The following PHF14 variants were observed in gnomAD, a reference collection of about 807,000 sequenced individuals.
PHF14 encodes the protein PHD finger protein 14.
A neutral mutation model predicts 117.9 loss-of-function variants in PHF14; 55 were observed. The observed-to-expected ratio is 0.47, with a 90% confidence interval of 0.38 to 0.58. PHF14 has a LOEUF of 0.58. PHF14 is among the 20% of genes least tolerant of loss of function. The pLI, the probability that PHF14 is intolerant of heterozygous loss-of-function variation, is 0.00. For synonymous variants in PHF14, 409 were observed against 368.6 expected (o/e 1.11, Z -1.26); for missense variants, 978 against 1,122.2 (o/e 0.87, Z 1.84).
intron 16 of PHF14, chr7:11,102,712 A>G: frequency 7.1e-7 from 1 of 1,402,714 alleles, no homozygotes; most frequent in Admixed American, 2.9e-5. Context: ...ACTTGGACTA[A>G]CAAGGCAGTA....
At chr7:11,105,552 A>G (rs1270672490) in intron 16 of PHF14, 21 of 981,338 alleles carry the variant, frequency 2.1e-5, no homozygotes, top group Non-Finnish European at 2.5e-5. Context: ...AAAAATGGCA[A>G]TTGAAACTTG....
At chr7:11,024,313 A>G (rs1783837632) in intron 6 of PHF14, among the ~76,000 whole-genome samples, 1 of 152,232 alleles carries the variant, frequency 6.6e-6, no homozygotes, top group Non-Finnish European at 1.5e-5. Flanking sequence ...ATAAAAGATG[A>G]AGAAGATGCA....
At position 10,974,177 on chromosome 7, in the gene PHF14, A is replaced by C; in HGVS notation, c.-147A>C. On this transcript the variant is annotated 5_prime_UTR_variant, in exon 1 of 18. Coordinates refer to ENST00000634607, the MANE Select transcript of PHF14 (RefSeq NM_001007157.2). The stretch of plus-strand genomic sequence containing the variant: ...AGGGGACCGCGGGGCTACTCTTGGG[A>C]GCGCCCCTGTCCGGCTGGCTGCGCG... 2.9e-6 allele frequency: 2 copies of C among 693,248 alleles called. No homozygotes were observed. The highest frequency in any genetic ancestry group is 5.1e-6 in the Non-Finnish European group (2 of 394,374). 42.9% of individuals were successfully genotyped at this position (693,248 alleles called of 1,614,324 possible). A position where few individuals can be genotyped will look rare whatever the true frequency, so the allele number is the denominator to read the frequency against.
intron 16 of PHF14, among the ~76,000 whole-genome samples, chr7:11,097,346 T>G (rs1162821040): frequency 6.6e-6 from 1 of 152,190 alleles, no homozygotes; most frequent in Non-Finnish European, 1.5e-5. Context: ...ACACCTAAAA[T>G]AGATAATATT....
chr7:11,077,798 A>G (rs1461376104), intron 16 of PHF14, among the ~76,000 whole-genome samples: 2 of 152,126 alleles, frequency 1.3e-5, no homozygotes, highest in Non-Finnish European at 2.9e-5. Context: ...ACAAGGTAAT[A>G]GACAAAGAAT....
chr7:11,061,436 G>C (rs1785220077), intron 14 of PHF14: 1 of 160,672 alleles, frequency 6.2e-6, no homozygotes, highest in African/African-American at 2.4e-5. Context: ...TATAAGTGAT[G>C]TGATAAGTTA....
intron 17 of PHF14, among the ~76,000 whole-genome samples, chr7:11,153,395 G>A (rs998293182): frequency 6.6e-6 from 1 of 152,032 alleles, no homozygotes; most frequent in Non-Finnish European, 1.5e-5. Context: ...CTTTTTTAGT[G>A]GGGGTAGGGG....
At position 10,980,225 on chromosome 7, in the gene PHF14, G is replaced by C. The variant is rs138855477; in HGVS notation, c.113-2147G>C. ...ACTTTTGCGTCTATCGTGAAGTTTT[G>C]ATTGATAAAAAGCCTTCTAGAAGGT... On this transcript the variant is annotated intron_variant, in intron 2 of 17. Coordinates refer to ENST00000634607, the MANE Select transcript of PHF14 (RefSeq NM_001007157.2). Among the ~76,000 whole-genome samples the C allele has an allele frequency of 3.5e-3, 534 of 152,098 alleles. 5 individuals are homozygous for C. The highest frequency in any genetic ancestry group is 9.9e-3 in the African/African-American group (409 of 41,510).
chr7:11,009,579 A>G (rs1047069396), intron 4 of PHF14, among the ~76,000 whole-genome samples: 1 of 152,198 alleles, frequency 6.6e-6, no homozygotes. Context: ...TATGGAAGAG[A>G]GAAAGATTTT....
At chr7:11,093,731 C>T (rs1162371924) in intron 16 of PHF14, among the ~76,000 whole-genome samples, 1 of 152,136 alleles carries the variant, frequency 6.6e-6, no homozygotes, top group Non-Finnish European at 1.5e-5. Context: ...TCCAAAGAAT[C>T]ACAAGCTTGG....
At chr7:11,056,224 C>A (rs929050863) in intron 14 of PHF14, among the ~76,000 whole-genome samples, 2 of 152,044 alleles carry the variant, frequency 1.3e-5, no homozygotes, top group African/African-American at 4.8e-5. Flanking sequence ...TGCTTTTTGC[C>A]TCTTGGAAAT....
chr7:11,054,396 C>T (rs952962076), intron 14 of PHF14, among the ~76,000 whole-genome samples: 1 of 152,140 alleles, frequency 6.6e-6, no homozygotes, highest in Non-Finnish European at 1.5e-5. Flanking sequence ...CTCATCTTTT[C>T]TGCCTGCCTT....
intron 7 of PHF14, among the ~76,000 whole-genome samples, chr7:11,031,970 TA>T (rs1463195127): frequency 6.6e-6 from 1 of 152,106 alleles, no homozygotes; most frequent in Non-Finnish European, 1.5e-5. Flanking sequence ...TGAAACAATA[TA>T]AAACCGGGTG....
In PHF14 at chr7:11,130,002, C is replaced by CA. The variant is rs990388843; in HGVS notation, c.2772+18543dup. On this transcript the variant is annotated intron_variant, in intron 17 of 17. Coordinates refer to ENST00000634607, the MANE Select transcript of PHF14 (RefSeq NM_001007157.2). The surrounding 1 kb of genome is among the most constrained non-coding windows in gnomAD (Gnocchi z 4.2). ...AATTAGGATATGCTAAGTTATGCAG[C>CA]AAAAAAAAGAATCCCAAATTTTTAG... Among the ~76,000 whole-genome samples the CA allele has an allele frequency of 2.0e-5, 3 of 151,262 alleles. No homozygotes were observed. Among genetic ancestry groups the CA allele is most frequent in the Non-Finnish European group, 4.4e-5 (3 of 67,770 alleles).
chr7:11,155,744 G>A (rs1424218864), intron 17 of PHF14, among the ~76,000 whole-genome samples: 4 of 151,448 alleles, frequency 2.6e-5, no homozygotes, highest in Middle Eastern at 6.8e-3. Flanking sequence ...CAGGGACAGT[G>A]TCTGTCTTAT....
rs75142165 is a variant in PHF14 at position 11,111,389 on chromosome 7, G to A, written c.2694G>A (p.Leu898=). The A allele has an allele frequency of 5.1e-5, 82 of 1,608,278 alleles. No homozygotes were observed. The African/African-American group carries it at 8.3e-4, about 16-fold the overall frequency. Residue 898 remains leucine, a synonymous_variant, in exon 17 of 18, where the codon TTG becomes TTA. Transcript: ENST00000634607. ...GACTCTGCTACCATTTTGGCTGTTT[G>A]GATCCTCCTTTGAAAAAGTCTCCTA... ...ECRLCYHFGC[L]DPPLKKSPKQ... is the part of the protein sequence containing the mutation.
intron 14 of PHF14, among the ~76,000 whole-genome samples, chr7:11,058,179 A>G (rs375735210): frequency 3.9e-5 from 6 of 152,204 alleles, no homozygotes; most frequent in Admixed American, 6.5e-5. Flanking sequence ...ATATACTTCT[A>G]TTCATCTGAG....
rs1784907062 is a variant in PHF14 at position 11,053,353 on chromosome 7, A to G, written c.2481+1573A>G. ...GAAACAGTTTATTTTGGGTGCTCTAAGTAGATCAACTTGAAATAGTTTTTA... is the reference window on the plus strand; with the variant it reads ...GAAACAGTTTATTTTGGGTGCTCTAGGTAGATCAACTTGAAATAGTTTTTA... On this transcript the variant is annotated intron_variant, in intron 14 of 17. Transcript: ENST00000634607. Among the ~76,000 whole-genome samples, 7 of 152,172 alleles carry G rather than the reference A, an allele frequency of 4.6e-5. No individual in the cohort carries two copies. The South Asian group carries it at 1.4e-3, about 32-fold the overall frequency.
chr7:11,059,948 G>A (rs192941982), intron 14 of PHF14, among the ~76,000 whole-genome samples: 1 of 152,216 alleles, frequency 6.6e-6, no homozygotes, highest in East Asian at 1.9e-4. Flanking sequence ...ATGTCTCACT[G>A]CAGCCTAGAT....
Sources: gnomAD v4.1 joint callset for allele counts (sites outside exome capture counted in the v4.1 genomes callset) on GRCh38, gnomAD v4.1.1 for gene constraint, Gnocchi (gnomAD v3.1) non-coding constraint, MANE v1.5 for transcripts, NCBI Gene and HGNC (gene_info 2026-07-23, HGNC 2026-07-21) for gene names.